The following HK1 variants were observed in gnomAD, a reference collection of about 807,000 sequenced individuals.
The protein encoded by HK1 is hexokinase 1.
In HK1, 28 loss-of-function variants were observed where a neutral mutation model predicts 91.6. That is an observed-to-expected ratio of 0.31 (90% CI 0.23 to 0.42). The LOEUF (loss-of-function observed/expected upper bound fraction) is 0.42, where lower values mean the gene tolerates loss of function less well. HK1 is among the 10% of genes least tolerant of loss of function. HK1 has a pLI of 1.00. For missense variants in HK1, 770 were observed against 1,219.8 expected, an observed-to-expected ratio of 0.63 and a Z score of 5.49; for synonymous variants, 430 against 468.1, an observed-to-expected ratio of 0.92 and a Z score of 1.05.
In HK1 at chr10:69,360,063, C is replaced by T; in HGVS notation, c.375+18C>T. 2 of 1,612,558 alleles carry T rather than the reference C, an allele frequency of 1.2e-6. No homozygotes were observed. The highest frequency in any genetic ancestry group is 1.7e-6 in the Non-Finnish European group (2 of 1,179,138). ...GAAGCCAGGTGGGTCCCTGCTCCCTCCGGGTCACCCCGTCGGGCCAGCATC... is the reference window on the plus strand; with the variant it reads ...GAAGCCAGGTGGGTCCCTGCTCCCTTCGGGTCACCCCGTCGGGCCAGCATC... On this transcript the variant is annotated intron_variant, in intron 3 of 17. Coordinates refer to ENST00000359426, the MANE Select transcript of HK1 (RefSeq NM_000188.3).
chr10:69,396,796 C>T (rs1259480712), intron 16 of HK1, among the ~76,000 whole-genome samples: 1 of 152,160 alleles, frequency 6.6e-6, no homozygotes, highest in Non-Finnish European at 1.5e-5. Context: ...ATTCTCCTGC[C>T]TCAGCCTCCT....
At position 69,382,692 on chromosome 10, in the gene HK1, A is replaced by T; in HGVS notation, c.1471A>T (p.Met491Leu). ...KDMLLEVKKR[M>L]RAEMELGLRK... is the part of the protein sequence containing the mutation. ...CATGCTGCTGGAGGTGAAGAAGAGG[A>T]TGCGGGCCGAGATGGAGCTGGGGCT... is the stretch of plus-strand genomic sequence containing the variant. The change falls in exon 10 of 18, where the codon ATG (methionine) becomes TTG (leucine). Residue 491 changes from methionine to leucine, a missense_variant. Coordinates refer to ENST00000359426, the MANE Select transcript of HK1 (RefSeq NM_000188.3). 6.2e-7 allele frequency: 1 copy of T among 1,613,724 alleles called. No individual in the cohort carries two copies. The highest frequency in any genetic ancestry group is 8.5e-7 in the Non-Finnish European group (1 of 1,179,950).
chr10:69,313,774 C>T (rs12247331), upstream of HK1, among the ~76,000 whole-genome samples: 3,128 of 152,204 alleles, frequency 0.021, 110 homozygotes, highest in African/African-American at 0.07. Context: ...GGATTACAGG[C>T]GTGAGGCACC....
upstream of HK1, among the ~76,000 whole-genome samples, chr10:69,314,647 TTTCTC>T (rs531197370): frequency 6.7e-6 from 1 of 149,870 alleles, no homozygotes; most frequent in African/African-American, 2.5e-5. Context: ...TTCCTTTTCT[TTTCTC>T]TTCTCTTCTC....
intron 1 of HK1, among the ~76,000 whole-genome samples, chr10:69,329,018 T>C (rs1386213364): frequency 1.3e-5 from 2 of 152,230 alleles, no homozygotes; most frequent in East Asian, 3.8e-4. Context: ...TGCTATTCCA[T>C]TGTATTTATC....
chr10:69,378,409 G>A (rs1032662444), intron 8 of HK1, among the ~76,000 whole-genome samples: 7 of 151,928 alleles, frequency 4.6e-5, no homozygotes, highest in East Asian at 1.9e-4. Flanking sequence ...ATTTGGCATC[G>A]TACTGGAGTC....
At chr10:69,338,744 AGT>A (rs1389086172) in intron 1 of HK1, 318 of 1,213,170 alleles carry the variant, frequency 2.6e-4, no homozygotes, top group East Asian at 2.9e-4. Context: ...AGTGTGTGAG[AGT>A]GTGTGTGTGT....
At chr10:69,331,063 A>G (rs146656962) in intron 1 of HK1, among the ~76,000 whole-genome samples, 2 of 151,986 alleles carry the variant, frequency 1.3e-5, no homozygotes, top group African/African-American at 4.8e-5. Context: ...TATTTTTGGT[A>G]GAGATGGGGT....
At chr10:69,299,723 G>T (rs993333667) in intron 4 of HK1, among the ~76,000 whole-genome samples, 1 of 150,348 alleles carries the variant, frequency 6.7e-6, no homozygotes, top group African/African-American at 2.5e-5. Flanking sequence ...GTGCAGTGGC[G>T]CAATCTCGGC....
At chr10:69,325,050 T>C (rs1401319681) in intron 1 of HK1, among the ~76,000 whole-genome samples, 2 of 143,564 alleles carry the variant, frequency 1.4e-5, no homozygotes, top group African/African-American at 5.2e-5. Context: ...GTGTATTTTT[T>C]TTTTTTTTTT....
intron 2 of HK1, among the ~76,000 whole-genome samples, chr10:69,346,854 G>T (rs1341290252): frequency 6.6e-6 from 1 of 152,090 alleles, no homozygotes; most frequent in African/African-American, 2.4e-5. Flanking sequence ...CCTCTTCAAA[G>T]CTACTGTAGG....
Position 69,384,918 on chromosome 10 carries a change from G to A in HK1, c.1839+3G>A, listed in dbSNP as rs768010396. The A allele has an allele frequency of 1.9e-6, 3 of 1,614,176 alleles. No individual in the cohort carries two copies. The highest frequency in any genetic ancestry group is 2.5e-6 in the Non-Finnish European group (3 of 1,180,028). On this transcript the variant is annotated splice_donor_region_variant and intron_variant, in intron 12 of 17. Transcript: ENST00000359426. ...GCCAGCAGACGAGTCTGGACGCGGT[G>A]AGTCTCTGTTCTTAGGGCTCAGTGA... is the stretch of plus-strand genomic sequence containing the variant.
chr10:69,310,116 T>TA lies in HK1; in HGVS notation c.27+9274dup, dbSNP rs376737962. Among the ~76,000 whole-genome samples the TA allele has an allele frequency of 5.5e-3, 573 of 103,940 alleles. 6 individuals are homozygous for TA. The highest frequency in any genetic ancestry group is 0.018 in the Admixed American group (171 of 9,338). 68.2% of individuals were successfully genotyped at this position (103,940 alleles called of 152,430 possible). ...CTGGGTGACGGAGTGAAACTCCATC[T>TA]AAAAAAAAAAAAAAAAAAATCTGGC... On this transcript the variant is annotated intron_variant, in intron 5 of 21. Transcript: ENST00000360289.
At chr10:69,302,044 G>T (rs35258842) in intron 5 of HK1, among the ~76,000 whole-genome samples, 1 of 151,816 alleles carries the variant, frequency 6.6e-6, no homozygotes, top group African/African-American at 2.4e-5. Flanking sequence ...TCAGGAGTTC[G>T]TGACCAGCCT....
chr10:69,376,950 A>T lies in HK1; in HGVS notation c.892A>T (p.Ser298Cys). 1 of 1,614,226 alleles carries T rather than the reference A, an allele frequency of 6.2e-7. No homozygotes were observed. Among genetic ancestry groups the T allele is most frequent in the Middle Eastern group, 1.7e-4 (1 of 6,060 alleles). The change falls in exon 8 of 18, where the codon AGT (serine) becomes TGT (cysteine). Residue 298 changes from serine (S) to cysteine (C), a missense_variant. Around this residue, in one of 7 missense-constraint regions of HK1, gnomAD observed 449 missense variants for 665.1 expected, o/e 0.68. Transcript: ENST00000359426. ...PGKQLFEKMV[S>C]GMYLGELVRL... ...TCTCCACAGGTTTGAGAAGATGGTC[A>T]GTGGCATGTACTTGGGAGAGCTGGT... is the stretch of plus-strand genomic sequence containing the variant.
At position 69,379,995 on chromosome 10, in the gene HK1, A is replaced by G; in HGVS notation, c.1165A>G (p.Thr389Ala). 6.2e-7 allele frequency: 1 copy of G among 1,614,188 alleles called. No individual in the cohort carries two copies. The highest frequency in any genetic ancestry group is 1.1e-5 in the South Asian group (1 of 91,086). Residue 389 changes from threonine (T) to alanine (A), a missense_variant, in exon 9 of 18, where the codon ACA (threonine) becomes GCA (alanine). Physicochemically the swap from Thr to Ala is moderately conservative, Grantham distance 58 (BLOSUM62 0). Coordinates refer to ENST00000359426, the MANE Select transcript of HK1 (RefSeq NM_000188.3). ...TCGCTCAGCCAACTTGGTGGCTGCC[A>G]CACTGGGCGCCATCTTGAACCGCCT... ...SFRSANLVAA[T>A]LGAILNRLRD...
rs771041731 is a variant in HK1, at chr10:69,384,314, A to G, written c.1571-19A>G. 8 of 1,614,152 alleles carry G rather than the reference A, an allele frequency of 5.0e-6. No homozygotes were observed. Among genetic ancestry groups the G allele is most frequent in the Non-Finnish European group, 3.4e-6 (4 of 1,180,026 alleles). On this transcript the variant is annotated intron_variant, in intron 10 of 17. Coordinates refer to ENST00000359426, the MANE Select transcript of HK1 (RefSeq NM_000188.3). ...CACTTAGCTGTTTTTGACATTCTTT[A>G]CGCTTTTGACTGCAACAGAGAATGG...
chr10:69,338,740 TGA>T (rs1160244305), intron 1 of HK1: 79 of 1,243,046 alleles, frequency 6.4e-5, no homozygotes, highest in Non-Finnish European at 7.5e-5. Context: ...TGTGAGTGTG[TGA>T]GAGTGTGTGT....
At chr10:69,368,817 G>A (rs1283769368) in intron 5 of HK1, among the ~76,000 whole-genome samples, 186 bp downstream of exon 5, 1 of 152,154 alleles carries the variant, frequency 6.6e-6, no homozygotes, top group Non-Finnish European at 1.5e-5. Flanking sequence ...CCAGCTCTCG[G>A]AGGTGCTGCC....
Sources: gnomAD v4.1 joint callset for allele counts (sites outside exome capture counted in the v4.1 genomes callset) on GRCh38, gnomAD v4.1.1 for gene constraint, gnomAD v4.1.1 regional missense constraint, MANE v1.5 for transcripts, NCBI Gene and HGNC (gene_info 2026-07-23, HGNC 2026-07-21) for gene names.